ACTR3: variants seen among roughly 807,000 people sequenced by gnomAD.
The protein encoded by ACTR3 is actin related protein 3, also known as actin-related protein 3.
A neutral mutation model predicts 56.8 loss-of-function variants in ACTR3; 12 were observed. That is an observed-to-expected ratio of 0.21 (90% CI 0.14 to 0.34). The LOEUF (loss-of-function observed/expected upper bound fraction) is 0.34, where lower values mean the gene tolerates loss of function less well. Ranked by LOEUF, ACTR3 falls within the 10% of genes least tolerant of loss-of-function variation. The pLI is 1.00. For synonymous variants in ACTR3, 162 were observed against 167.4 expected (o/e 0.97, Z 0.25); for missense variants, 282 against 512.5 (o/e 0.55, Z 4.34).
intron 6 of ACTR3, among the ~76,000 whole-genome samples, chr2:113,936,417 T>C (rs1679828724): frequency 6.6e-6 from 1 of 152,228 alleles, no homozygotes; most frequent in African/African-American, 2.4e-5. Context: ...GTTTTCTCTT[T>C]ATTGACTTAT....
In ACTR3 at chr2:113,957,861, A is replaced by C. The variant is rs1448434193; in HGVS notation, c.*406A>C. ...TCATACTTTTTATACTTTGAGGAAAAAAAGTCAAAGAAAAATTGTATTTGA... is the reference window on the plus strand; with the variant it reads ...TCATACTTTTTATACTTTGAGGAAACAAAGTCAAAGAAAAATTGTATTTGA... On this transcript the variant is annotated 3_prime_UTR_variant, in exon 12 of 12. Transcript: ENST00000263238. The C allele has an allele frequency of 6.5e-6, 1 of 153,296 alleles. No homozygotes were observed. The highest frequency in any genetic ancestry group is 1.4e-5 in the Non-Finnish European group (1 of 69,034). 9.5% of individuals were successfully genotyped at this position (153,296 alleles called of 1,614,324 possible). A position where few individuals can be genotyped will look rare whatever the true frequency, so the allele number is the denominator to read the frequency against.
rs1288579096 is a variant in ACTR3 at position 113,915,823 on chromosome 2, T to C, written c.101-1061T>C. Among the ~76,000 whole-genome samples the C allele has an allele frequency of 4.6e-5, 7 of 152,252 alleles. No homozygotes were observed. The Middle Eastern group carries it at 0.014, about 296-fold the overall frequency. On this transcript the variant is annotated intron_variant, in intron 2 of 11. Coordinates refer to ENST00000263238, the MANE Select transcript of ACTR3 (RefSeq NM_005721.5). ...AATTCATTTGCCTGCTGTAAGAAGG[T>C]TTTTGATTTTTGAGTGTTTTTTCTC... is the stretch of plus-strand genomic sequence containing the variant.
At chr2:113,947,212 AG>A in intron 8 of ACTR3, among the ~76,000 whole-genome samples, 1 of 152,372 alleles carries the variant, frequency 6.6e-6, no homozygotes, top group Non-Finnish European at 1.5e-5. Context: ...GACAGGAATT[AG>A]AAAATTGCAG....
At chr2:113,922,182 T>C (rs531802546) in intron 3 of ACTR3, among the ~76,000 whole-genome samples, 28 of 152,158 alleles carry the variant, frequency 1.8e-4, no homozygotes, top group African/African-American at 6.3e-4. Flanking sequence ...GTTTCAATTG[T>C]GATTGGGAGG....
intron 8 of ACTR3, among the ~76,000 whole-genome samples, chr2:113,950,636 G>A (rs1267741645): frequency 6.6e-6 from 1 of 152,124 alleles, no homozygotes; most frequent in Admixed American, 6.5e-5. Flanking sequence ...TGGACTTAAC[G>A]GGTTTTTCCT....
chr2:113,921,470 T>G (rs887909895), intron 3 of ACTR3, among the ~76,000 whole-genome samples: 1 of 152,178 alleles, frequency 6.6e-6, no homozygotes, highest in African/African-American at 2.4e-5. Context: ...GCATTTTAAT[T>G]TAATATAATC....
At chr2:113,911,759 C>CA (rs1443371912) in intron 1 of ACTR3, among the ~76,000 whole-genome samples, 1 of 151,962 alleles carries the variant, frequency 6.6e-6, no homozygotes, top group Admixed American at 6.6e-5. Context: ...TTTTTTGAGA[C>CA]AGAGTCTCAC....
chr2:113,955,615 T>C lies in ACTR3; in HGVS notation c.1078-8T>C. 6.2e-7 allele frequency: 1 copy of C among 1,605,048 alleles called. No individual in the cohort carries two copies. The highest frequency in any genetic ancestry group is 8.5e-7 in the Non-Finnish European group (1 of 1,173,790). On this transcript the variant is annotated splice_polypyrimidine_tract_variant and splice_region_variant and intron_variant, in intron 10 of 11. Transcript: ENST00000263238. ...CTATGAAGATGATCATACTATGTCT[T>C]TCTTTAGCCAAAACCTATTGATGTA...
chr2:113,936,164 T>C (rs1679821455), intron 6 of ACTR3, among the ~76,000 whole-genome samples: 2 of 152,020 alleles, frequency 1.3e-5, no homozygotes. Context: ...TGGTGGTTCA[T>C]GACTGTAGTC....
upstream of ACTR3, chr2:113,890,060 G>A: frequency 1.7e-6 from 1 of 602,728 alleles, no homozygotes; most frequent in South Asian, 1.8e-5. Context: ...GCCGCGGCGG[G>A]GCAGGGCGGG....
In ACTR3 at chr2:113,959,416, T is replaced by G. The variant is rs191243469; in HGVS notation, c.*1961T>G. ...AATATGTCTTTTCCACCGGCGATGG[T>G]TGGGTAGTTAAGTGAATAAGCTAGA... On this transcript the variant is annotated 3_prime_UTR_variant, in exon 12 of 12. Coordinates refer to ENST00000263238, the MANE Select transcript of ACTR3 (RefSeq NM_005721.5). 6.6e-6 allele frequency: 1 copy of G among 152,098 alleles called. No homozygotes were observed. The highest frequency in any genetic ancestry group is 6.6e-5 in the Admixed American group (1 of 15,262). The allele number at this position is 152,098 out of a possible 1,614,324, so 9.4% of individuals were successfully genotyped here. A position where few individuals can be genotyped will look rare whatever the true frequency, so the allele number is the denominator to read the frequency against.
chr2:113,940,682 A>C (rs953487185), intron 7 of ACTR3, among the ~76,000 whole-genome samples: 3 of 151,972 alleles, frequency 2.0e-5, no homozygotes, highest in Non-Finnish European at 4.4e-5. Context: ...CACATAACCA[A>C]AAAATTTCAG....
chr2:113,951,906 A>G, intron 10 of ACTR3, 61 bp downstream of exon 10: 2 of 1,592,290 alleles, frequency 1.3e-6, no homozygotes. Context: ...AGGATGAGAA[A>G]TATTTGCCAG....
intron 8 of ACTR3, among the ~76,000 whole-genome samples, chr2:113,950,136 T>G (rs1268117583): frequency 6.6e-6 from 1 of 152,230 alleles, no homozygotes; most frequent in Non-Finnish European, 1.5e-5. Context: ...ACATATACCC[T>G]TGTTTCATGT....
intron 1 of ACTR3, among the ~76,000 whole-genome samples, chr2:113,906,898 T>C (rs1164509293): frequency 6.6e-6 from 1 of 152,132 alleles, no homozygotes; most frequent in Non-Finnish European, 1.5e-5. Flanking sequence ...TCTCCAACTT[T>C]GTTCTTTTTC....
chr2:113,891,926 TA>T (rs1278614830), intron 1 of ACTR3, among the ~76,000 whole-genome samples: 3 of 152,172 alleles, frequency 2.0e-5, no homozygotes, highest in African/African-American at 7.2e-5. Flanking sequence ...AATTGGTGAG[TA>T]TTTTTATGTC....
At position 113,960,712 on chromosome 2, in the gene ACTR3, C is replaced by T. The variant is rs1288877250; in HGVS notation, c.*3257C>T. ...CCTTGATTCCTGTGACCCATTCTTT[C>T]TGATCTTTCGTAGTTCATAGTCACC... On this transcript the variant is annotated 3_prime_UTR_variant, in exon 12 of 12. Coordinates refer to ENST00000263238, the MANE Select transcript of ACTR3 (RefSeq NM_005721.5). The T allele has an allele frequency of 6.6e-6, 1 of 151,936 alleles. No individual in the cohort carries two copies. The highest frequency in any genetic ancestry group is 1.5e-5 in the Non-Finnish European group (1 of 67,882). 9.4% of individuals were successfully genotyped at this position (151,936 alleles called of 1,614,324 possible).
rs943848279 is a variant in ACTR3 at position 113,898,039 on chromosome 2, TAG to T, written c.44+7724_44+7725del. On this transcript the variant is annotated intron_variant, in intron 1 of 11. Coordinates refer to ENST00000263238, the MANE Select transcript of ACTR3 (RefSeq NM_005721.5). Reference sequence around the variant, plus strand: ...GTTACAATGAGGAGGATAAAAGTCCTAGAGAGAGAATTAGGGTGCAGAAGACC... The same window carrying T: ...GTTACAATGAGGAGGATAAAAGTCCTAGAGAGAATTAGGGTGCAGAAGACC... Among the ~76,000 whole-genome samples, 12 of 152,280 alleles carry T rather than the reference TAG, an allele frequency of 7.9e-5. No individual in the cohort carries two copies. The East Asian group carries it at 1.2e-3, about 15-fold the overall frequency.
In ACTR3 at chr2:113,959,974, G is replaced by T. The variant is rs567907478; in HGVS notation, c.*2519G>T. 3.9e-5 allele frequency: 6 copies of T among 152,034 alleles called. No individual in the cohort carries two copies. The East Asian group carries it at 1.2e-3, about 29-fold the overall frequency. 9.4% of individuals were successfully genotyped at this position (152,034 alleles called of 1,614,324 possible). The stretch of plus-strand genomic sequence containing the variant: ...GATTCAATTTATATATAAGGTAAAG[G>T]CATTATACTGGATTATCCTGCAATT... On this transcript the variant is annotated 3_prime_UTR_variant, in exon 12 of 12. Coordinates refer to ENST00000263238, the MANE Select transcript of ACTR3 (RefSeq NM_005721.5).
Sources: allele counts gnomAD v4.1 joint callset (sites outside exome capture counted in the v4.1 genomes callset), GRCh38; gene constraint gnomAD v4.1.1; transcripts MANE v1.5; gene names NCBI Gene and HGNC (gene_info 2026-07-23, HGNC 2026-07-21).